Variants in ADARB2 observed in about 807,000 individuals in gnomAD.
ADARB2 encodes adenosine deaminase RNA specific B2 (inactive).
A neutral mutation model predicts 62.2 loss-of-function variants in ADARB2; 25 were observed. The observed-to-expected ratio is 0.40, with a 90% confidence interval of 0.29 to 0.56. The LOEUF is 0.56. Among genes scored for constraint, ADARB2 ranks in the 20% least tolerant of loss-of-function variants. ADARB2 has a pLI of 0.43. For synonymous variants in ADARB2, 572 were observed against 500.8 expected, an observed-to-expected ratio of 1.14 and a Z score of -1.90; for missense variants, 1,071 against 1,077.4, an observed-to-expected ratio of 0.99 and a Z score of 0.08.
intron 1 of ADARB2, among the ~76,000 whole-genome samples, chr10:1,614,826 G>A (rs1171307012): frequency 6.6e-6 from 1 of 152,084 alleles, no homozygotes; most frequent in Non-Finnish European, 1.5e-5. Flanking sequence ...CAGGAGAATG[G>A]CGTGAACCTG....
intron 3 of ADARB2, among the ~76,000 whole-genome samples, chr10:1,276,963 T>C (rs1409664193): frequency 1.3e-5 from 2 of 152,088 alleles, no homozygotes; most frequent in African/African-American, 2.4e-5. Context: ...CACTCAAAAC[T>C]GCTCAACTAC....
chr10:1,337,292 A>G (rs904285702), intron 3 of ADARB2, among the ~76,000 whole-genome samples: 26 of 152,192 alleles, frequency 1.7e-4, no homozygotes, highest in Non-Finnish European at 2.6e-4. Context: ...TTTAGACTCT[A>G]ACGGCAAGCT....
At chr10:1,687,159 T>C (rs1834608243) in intron 1 of ADARB2, among the ~76,000 whole-genome samples, 1 of 151,844 alleles carries the variant, frequency 6.6e-6, no homozygotes, top group African/African-American at 2.4e-5. Context: ...CCCTAGTAGC[T>C]GGGATTCAGG....
At chr10:1,693,519 T>C (rs1313195166) in intron 1 of ADARB2, among the ~76,000 whole-genome samples, 1 of 152,230 alleles carries the variant, frequency 6.6e-6, no homozygotes, top group Non-Finnish European at 1.5e-5. Flanking sequence ...TTTTTCCTAT[T>C]GGATATAATT....
chr10:1,183,394 C>A, intron 9 of ADARB2, 25 bp from the exon 10 acceptor site: 1 of 1,597,462 alleles, frequency 6.3e-7, no homozygotes. Flanking sequence ...GAGAAAGAGC[C>A]AATCAGACAC....
chr10:1,476,783 C>T (rs1339834328), intron 1 of ADARB2, among the ~76,000 whole-genome samples: 1 of 152,166 alleles, frequency 6.6e-6, no homozygotes, highest in African/African-American at 2.4e-5. Context: ...GCATCCAAGT[C>T]ACCCGAGGCC....
intron 1 of ADARB2, among the ~76,000 whole-genome samples, chr10:1,563,695 A>G (rs1339422871): frequency 6.6e-6 from 1 of 151,024 alleles, no homozygotes; most frequent in Non-Finnish European, 1.5e-5. Context: ...TCAGTTACAT[A>G]TGTATACATG....
chr10:1,339,631 C>G (rs1198490925), intron 3 of ADARB2, among the ~76,000 whole-genome samples: 1 of 152,164 alleles, frequency 6.6e-6, no homozygotes, highest in African/African-American at 2.4e-5. Context: ...TTCTCCAAGT[C>G]AATACTCCCA....
intron 4 of ADARB2, among the ~76,000 whole-genome samples, chr10:1,244,660 C>T (rs572376361): frequency 6.6e-5 from 10 of 152,286 alleles, no homozygotes; most frequent in African/African-American, 1.2e-4. Flanking sequence ...AGGGAGATGA[C>T]GCGGTCAGAA....
chr10:1,610,532 T>C lies in ADARB2; in HGVS notation c.100+126519A>G, dbSNP rs368300551. 2.0e-5 allele frequency among the ~76,000 whole-genome samples: 3 copies of C among 152,196 alleles called. No individual in the cohort carries two copies. In the East Asian group the frequency reaches 5.8e-4, roughly 29 times the overall value. On this transcript the variant is annotated intron_variant, in intron 1 of 9. Transcript: ENST00000381312. ...GGGGCCTGTAAACCTGAGTCATTGATGTGGGGTCGGGACAGGTGCCTGCCG... is the reference window on the plus strand; with the variant it reads ...GGGGCCTGTAAACCTGAGTCATTGACGTGGGGTCGGGACAGGTGCCTGCCG...
chr10:1,340,726 C>T (rs1173738198), intron 3 of ADARB2, among the ~76,000 whole-genome samples: 6 of 142,202 alleles, frequency 4.2e-5, no homozygotes, highest in Admixed American at 6.9e-5. Flanking sequence ...CGCCCCACAG[C>T]GGCAATAACC....
intron 1 of ADARB2, among the ~76,000 whole-genome samples, chr10:1,590,841 G>A (rs144296895): frequency 7.9e-5 from 12 of 152,146 alleles, no homozygotes; most frequent in Non-Finnish European, 1.3e-4. Flanking sequence ...CACGGGAAAC[G>A]CAGTCAGTAA....
At chr10:1,501,201 G>A (rs1402427668) in intron 1 of ADARB2, among the ~76,000 whole-genome samples, 1 of 152,156 alleles carries the variant, frequency 6.6e-6, no homozygotes, top group Non-Finnish European at 1.5e-5. Context: ...AGAAGTGATG[G>A]GTAGTGTGTT....
chr10:1,484,650 C>T (rs1258718775), intron 1 of ADARB2, among the ~76,000 whole-genome samples: 2 of 152,210 alleles, frequency 1.3e-5, no homozygotes, highest in Non-Finnish European at 2.9e-5. Flanking sequence ...CACTCATTGC[C>T]TTTCTGCATA....
At chr10:1,489,581 A>G (rs4353199) in intron 1 of ADARB2, among the ~76,000 whole-genome samples, 61,584 of 152,130 alleles carry the variant, frequency 0.4, 12,692 homozygotes, top group African/African-American at 0.43. Context: ...AACAAAGTCA[A>G]TCTCAGAGTT....
intron 1 of ADARB2, among the ~76,000 whole-genome samples, chr10:1,387,217 G>T (rs887459570): frequency 1.3e-5 from 2 of 151,816 alleles, no homozygotes; most frequent in Non-Finnish European, 2.9e-5. Context: ...TAAAAAAAGA[G>T]AGTACATCAA....
At chr10:1,530,301 C>T (rs1279339352) in intron 1 of ADARB2, among the ~76,000 whole-genome samples, 2 of 152,230 alleles carry the variant, frequency 1.3e-5, no homozygotes, top group African/African-American at 4.8e-5. Context: ...AGACCTCATC[C>T]TGCATGGCCT....
At chr10:1,652,086 G>C (rs1226753749) in intron 1 of ADARB2, among the ~76,000 whole-genome samples, 1 of 152,126 alleles carries the variant, frequency 6.6e-6, no homozygotes, top group Non-Finnish European at 1.5e-5. Context: ...CAGTAATTTG[G>C]GTGAACTCTG....
chr10:1,281,112 G>T (rs1357310907), intron 3 of ADARB2, among the ~76,000 whole-genome samples: 2 of 152,234 alleles, frequency 1.3e-5, no homozygotes, highest in East Asian at 3.8e-4. Context: ...CTTATAAATA[G>T]AAAATGTCTC....
Sources: allele counts gnomAD v4.1 joint callset (sites outside exome capture counted in the v4.1 genomes callset), GRCh38; gene constraint gnomAD v4.1.1; transcripts MANE v1.5; gene names NCBI Gene and HGNC (gene_info 2026-07-23, HGNC 2026-07-21).